Variants in TLE6 observed in about 807,000 individuals in gnomAD.
The protein encoded by TLE6 is TLE family member 6, subcortical maternal complex member, also known as transducin-like enhancer protein 6.
A neutral mutation model predicts 77.1 loss-of-function variants in TLE6; 72 were observed. The observed-to-expected ratio is 0.93, with a 90% confidence interval of 0.77 to 1.14. The LOEUF is 1.14. Among genes scored for constraint, TLE6 ranks in the 50% most tolerant of loss-of-function variants. The probability of loss-of-function intolerance (pLI) is 0.00; values close to 1 mark genes in which losing one functional copy is unlikely to be tolerated. For missense variants in TLE6, 843 were observed against 747.6 expected, an observed-to-expected ratio of 1.13 and a Z score of -1.49; for synonymous variants, 366 against 287.3, an observed-to-expected ratio of 1.27 and a Z score of -2.77.
chr19:2,991,413 CACACACACACACAT>C (rs1432871535), intron 13 of TLE6, among the ~76,000 whole-genome samples: 22 of 148,086 alleles, frequency 1.5e-4, no homozygotes, highest in African/African-American at 5.5e-4. Flanking sequence ...CACACACACA[CACACACACACACAT>C]ATATATAATA....
chr19:2,987,978 A>G lies in TLE6; in HGVS notation c.702+4A>G. 1 of 1,609,804 alleles carries G rather than the reference A, an allele frequency of 6.2e-7. No individual in the cohort carries two copies. On this transcript the variant is annotated splice_donor_region_variant and intron_variant, in intron 10 of 16. Coordinates refer to ENST00000246112, the MANE Select transcript of TLE6 (RefSeq NM_001143986.2). ...CACAAGTTGGGGTGTGGTCCAGGTG[A>G]GACCCAGGCCCGAGCTGGTAGCCCA...
chr19:2,994,847 A>AC, intron 16 of TLE6, 53 bp from the exon 17 acceptor site: 1 of 1,052,528 alleles, frequency 9.5e-7, no homozygotes, highest in Non-Finnish European at 1.4e-6. Context: ...ACAGGTGGAG[A>AC]CCAGGGGTGT....
rs543365536 is a variant in TLE6, at chr19:2,988,798, G to A, written c.741-263G>A. ...TCTGGGGAAGGAGCATAATAGCTAG[G>A]ACCATAAAGGATGAATAGGAGTTCT... On this transcript the variant is annotated intron_variant, in intron 11 of 16. Transcript: ENST00000246112. Among the ~76,000 whole-genome samples the A allele has an allele frequency of 2.6e-5, 4 of 152,278 alleles. No individual in the cohort carries two copies. The South Asian group carries it at 6.2e-4, about 24-fold the overall frequency.
At chr19:2,993,034 A>G (rs994910380) in intron 14 of TLE6, among the ~76,000 whole-genome samples, 1 of 148,280 alleles carries the variant, frequency 6.7e-6, no homozygotes, top group Non-Finnish European at 1.5e-5. Flanking sequence ...ACTAAAAAAA[A>G]AAAAAAAAAA....
intron 5 of TLE6, among the ~76,000 whole-genome samples, chr19:2,983,631 G>A (rs928632089): frequency 6.6e-6 from 1 of 151,956 alleles, no homozygotes; most frequent in Non-Finnish European, 1.5e-5. Flanking sequence ...GAGGAGGGGG[G>A]GAGGGCAGGC....
chr19:2,982,693 T>C (rs1198083641), intron 5 of TLE6, among the ~76,000 whole-genome samples: 1 of 152,008 alleles, frequency 6.6e-6, no homozygotes, highest in African/African-American at 2.4e-5. Context: ...GGACATGCCC[T>C]GACTTGGAAG....
intron 2 of TLE6, 111 bp from the exon 3 acceptor site, chr19:2,979,989 C>T: frequency 1.5e-6 from 1 of 663,590 alleles, no homozygotes; most frequent in South Asian, 2.0e-5. Flanking sequence ...AAGCAAAAAC[C>T]ACAATTACTT....
At chr19:2,984,240 G>A (rs1172361306) in intron 5 of TLE6, 1 of 152,260 alleles carries the variant, frequency 6.6e-6, no homozygotes, top group Non-Finnish European at 1.5e-5. Context: ...CATTAACGAG[G>A]CGGGGTGAAT....
In TLE6 at chr19:2,981,347, CAA is replaced by C. The variant is rs34622024; in HGVS notation, c.135-176_135-175del. Among the ~76,000 whole-genome samples, 342 of 115,176 alleles carry C rather than the reference CAA, an allele frequency of 3.0e-3. 1 individual carries two copies. The highest frequency in any genetic ancestry group is 9.3e-3 in the African/African-American group (300 of 32,170). The allele number at this position is 115,176 out of a possible 152,430, so 75.6% of individuals were successfully genotyped here. A position where few individuals can be genotyped will look rare whatever the true frequency, so the allele number is the denominator to read the frequency against. On this transcript the variant is annotated intron_variant, in intron 3 of 16. Coordinates refer to ENST00000246112, the MANE Select transcript of TLE6 (RefSeq NM_001143986.2). Reference sequence around the variant, plus strand: ...GGGTGACAAGAGTGAGACTCTGTCTCAAAAAAAAAAAAAAAAGAATATACTGC... The same window carrying C: ...GGGTGACAAGAGTGAGACTCTGTCTCAAAAAAAAAAAAAAGAATATACTGC...
chr19:2,980,335 C>T (rs1270434591), intron 3 of TLE6, 153 bp downstream of exon 3: 57 of 507,012 alleles, frequency 1.1e-4, no homozygotes, highest in Middle Eastern at 5.3e-4. Context: ...ATGGAGAACC[C>T]GGCAATACCC....
intron 5 of TLE6, among the ~76,000 whole-genome samples, chr19:2,983,747 C>T (rs1390782326): frequency 6.6e-6 from 1 of 151,924 alleles, no homozygotes. Flanking sequence ...CTGGCTACTG[C>T]GGAGAGGACA....
intron 15 of TLE6, among the ~76,000 whole-genome samples, 177 bp from the exon 16 acceptor site, chr19:2,993,842 G>A (rs1258935156): frequency 6.6e-6 from 1 of 151,404 alleles, no homozygotes; most frequent in Non-Finnish European, 1.5e-5. Flanking sequence ...CATGAGCCCG[G>A]GGAGGCTGAG....
rs141348286 is a variant in TLE6 at position 2,995,056 on chromosome 19, TCC to T, written c.*61_*62del. ...CGGCTCCTCTTTTCATCCCCCCCCT[TCC>T]CCCCCCCCAACAAGGGGGACATGGT... is the stretch of plus-strand genomic sequence containing the variant. On this transcript the variant is annotated 3_prime_UTR_variant, in exon 17 of 17. Transcript: ENST00000246112. 1.0e-4 allele frequency: 83 copies of T among 827,824 alleles called. No individual in the cohort carries two copies. Among genetic ancestry groups the T allele is most frequent in the African/African-American group, 1.9e-4 (11 of 57,564 alleles). 51.3% of individuals were successfully genotyped at this position (827,824 alleles called of 1,614,324 possible). A position where few individuals can be genotyped will look rare whatever the true frequency, so the allele number is the denominator to read the frequency against.
At chr19:2,987,491 G>A (rs1378769587) in intron 8 of TLE6, 119 bp downstream of exon 8, 18 of 1,442,050 alleles carry the variant, frequency 1.2e-5, no homozygotes, top group African/African-American at 4.2e-5. Context: ...CCTGCCCCTC[G>A]GGTCCCCCGG....
intron 3 of TLE6, among the ~76,000 whole-genome samples, chr19:2,980,729 C>G (rs2088780827): frequency 2.3e-5 from 3 of 128,646 alleles, no homozygotes; most frequent in African/African-American, 9.1e-5. Flanking sequence ...CAGAGTGAGA[C>G]TCGGTCTTTA....
rs537616407 is a variant in TLE6 at position 2,994,059 on chromosome 19, C to G, written c.1578C>G (p.Gly526=). ...GCGTTGGAATGGACGACTTCCTTGG[C>G]GTCTACAGCATGCCGGCGGGGACAA... The part of the protein sequence containing the change: ...WASVGMDDFL[G]VYSMPAGTKV... Residue 526 remains glycine (G), a synonymous_variant, in exon 16 of 17, where the codon GGC becomes GGG. Coordinates refer to ENST00000246112, the MANE Select transcript of TLE6 (RefSeq NM_001143986.2). 5.0e-6 allele frequency: 8 copies of G among 1,608,568 alleles called. No individual in the cohort carries two copies. The East Asian group carries it at 1.8e-4, about 36-fold the overall frequency.
At chr19:2,983,627 G>GGGGAGGGCAGGGAC (rs2088844433) in intron 5 of TLE6, among the ~76,000 whole-genome samples, 2 of 148,946 alleles carry the variant, frequency 1.3e-5, no homozygotes, top group African/African-American at 5.1e-5. Flanking sequence ...AGAGGAGGAG[G>GGGGAGGGCAGGGAC]GGGGGAGGGC....
At chr19:2,994,838 C>T (rs1249355696) in intron 16 of TLE6, 62 bp from the exon 17 acceptor site, 14 of 920,262 alleles carry the variant, frequency 1.5e-5, no homozygotes, top group East Asian at 1.1e-4. Flanking sequence ...CTTGAGCTGA[C>T]AGGTGGAGAC....
rs371088186 is a variant in TLE6, at chr19:2,991,045, T to C, written c.1245-798T>C. ...ACATACATACATACATACATACATA[T>C]ATGTATACACACACACATATTAAAT... is the stretch of plus-strand genomic sequence containing the variant. On this transcript the variant is annotated intron_variant, in intron 13 of 16. Coordinates refer to ENST00000246112, the MANE Select transcript of TLE6 (RefSeq NM_001143986.2). 1.5e-3 allele frequency among the ~76,000 whole-genome samples: 197 copies of C among 130,128 alleles called. 2 individuals carry two copies. Among genetic ancestry groups the C allele is most frequent in the South Asian group, 0.01 (46 of 4,534 alleles). 85.4% of individuals were successfully genotyped at this position (130,128 alleles called of 152,430 possible).
Sources: gnomAD v4.1 joint callset for allele counts (sites outside exome capture counted in the v4.1 genomes callset) on GRCh38, gnomAD v4.1.1 for gene constraint, MANE v1.5 for transcripts, NCBI Gene and HGNC (gene_info 2026-07-23, HGNC 2026-07-21) for gene names.